The following WWOX variants were observed in gnomAD, a reference collection of about 807,000 sequenced individuals.
WWOX encodes the protein WW domain-containing oxidoreductase.
A neutral mutation model predicts 46.2 loss-of-function variants in WWOX; 69 were observed. That is an observed-to-expected ratio of 1.49 (90% CI 1.23 to 1.82). The LOEUF is 1.82. Among genes scored for constraint, WWOX ranks in the 40% most tolerant of loss-of-function variants. The probability of loss-of-function intolerance (pLI) is 0.00; values close to 1 mark genes in which losing one functional copy is unlikely to be tolerated. For missense variants in WWOX, 919 were observed against 542.6 expected (o/e 1.69, Z -6.89); for synonymous variants, 359 against 202.6 (o/e 1.77, Z -6.56).
intron 8 of WWOX, among the ~76,000 whole-genome samples, chr16:78,815,083 G>A (rs887580956): frequency 5.3e-5 from 8 of 152,176 alleles, no homozygotes; most frequent in African/African-American, 9.7e-5. Flanking sequence ...CCAACACTTC[G>A]GGAGGCCGAG....
intron 8 of WWOX, among the ~76,000 whole-genome samples, chr16:78,754,302 G>C (rs541773306): frequency 6.6e-6 from 1 of 152,094 alleles, no homozygotes; most frequent in Non-Finnish European, 1.5e-5. Flanking sequence ...GTTTCAGGAA[G>C]AAGGCATTCA....
intron 8 of WWOX, among the ~76,000 whole-genome samples, chr16:78,934,524 A>G (rs888198514): frequency 2.0e-5 from 3 of 150,276 alleles, no homozygotes; most frequent in South Asian, 2.1e-4. Context: ...AAAAAAAAAA[A>G]AAAAAAAGAA....
At chr16:78,400,436 T>G (rs1298996909) in intron 6 of WWOX, among the ~76,000 whole-genome samples, 1 of 152,198 alleles carries the variant, frequency 6.6e-6, no homozygotes, top group African/African-American at 2.4e-5. Context: ...AATCGAACAC[T>G]GCAGTCTGGC....
At chr16:78,332,451 A>G (rs2080781687) in intron 5 of WWOX, among the ~76,000 whole-genome samples, 1 of 152,206 alleles carries the variant, frequency 6.6e-6, no homozygotes, top group Non-Finnish European at 1.5e-5. Flanking sequence ...GGCTGCATGA[A>G]TTCCTGCACT....
At chr16:78,302,257 G>A (rs1011332212) in intron 5 of WWOX, among the ~76,000 whole-genome samples, 3 of 152,110 alleles carry the variant, frequency 2.0e-5, no homozygotes, top group South Asian at 2.1e-4. Context: ...CACTGTGCCC[G>A]GCCTTAGATG....
At chr16:78,278,583 C>G in intron 5 of WWOX, 1 of 1,601,836 alleles carries the variant, frequency 6.2e-7, no homozygotes, top group South Asian at 1.1e-5. Flanking sequence ...ACACAACTGT[C>G]TTTTGTTTGT....
chr16:78,500,492 G>C (rs1597172737), intron 8 of WWOX, among the ~76,000 whole-genome samples: 1 of 151,660 alleles, frequency 6.6e-6, no homozygotes, highest in Admixed American at 6.6e-5. Context: ...TGCCGCGTTG[G>C]GTTAACCATG....
chr16:78,692,028 T>C (rs150478275), intron 8 of WWOX, among the ~76,000 whole-genome samples: 9 of 152,198 alleles, frequency 5.9e-5, no homozygotes, highest in Non-Finnish European at 1.3e-4. Context: ...ATGTAAGAAG[T>C]GCCTTTTGCC....
chr16:79,158,893 G>C (rs2050432530), intron 8 of WWOX, among the ~76,000 whole-genome samples: 1 of 152,206 alleles, frequency 6.6e-6, no homozygotes, highest in African/African-American at 2.4e-5. Flanking sequence ...CATTTTCACT[G>C]CTGTAGTCCC....
At chr16:78,473,440 C>A (rs995938987) in intron 8 of WWOX, among the ~76,000 whole-genome samples, 1 of 152,096 alleles carries the variant, frequency 6.6e-6, no homozygotes. Flanking sequence ...ATTGTTGATA[C>A]AGTATGACAA....
intron 8 of WWOX, among the ~76,000 whole-genome samples, chr16:78,606,217 C>G (rs887052881): frequency 3.9e-5 from 6 of 152,156 alleles, no homozygotes; most frequent in East Asian, 1.9e-4. Context: ...ACACATACTT[C>G]TTTTCAACAA....
At chr16:78,938,349 G>A (rs545564402) in intron 8 of WWOX, among the ~76,000 whole-genome samples, 79 of 152,304 alleles carry the variant, frequency 5.2e-4, no homozygotes, top group African/African-American at 1.8e-3. Context: ...GTTGGAACCC[G>A]TGTATACCAC....
intron 8 of WWOX, among the ~76,000 whole-genome samples, chr16:78,557,387 C>G (rs1405616901): frequency 6.6e-6 from 1 of 152,184 alleles, no homozygotes; most frequent in African/African-American, 2.4e-5. Context: ...TCTCTTAGCC[C>G]TCAATTGTCA....
At chr16:78,108,620 G>C (rs1313847381) in intron 2 of WWOX, 133 bp downstream of exon 2, 1 of 918,950 alleles carries the variant, frequency 1.1e-6, no homozygotes, top group African/African-American at 1.7e-5. Context: ...CCCACTCTGA[G>C]GAGCTTATGG....
rs2048300733 is a variant in WWOX, at chr16:78,704,939, A to G, written c.1056+272187A>G. Among the ~76,000 whole-genome samples the G allele has an allele frequency of 2.0e-5, 3 of 146,926 alleles. No homozygotes were observed. In the South Asian group the frequency reaches 6.4e-4, roughly 31 times the overall value. On this transcript the variant is annotated intron_variant, in intron 8 of 8. Transcript: ENST00000566780. ...CAACTTGTTTTTTTTTTTTTTAAAGAGGAGGAAGCCTTAAAAACCAGCGAC... is the reference window on the plus strand; with the variant it reads ...CAACTTGTTTTTTTTTTTTTTAAAGGGGAGGAAGCCTTAAAAACCAGCGAC...
intron 8 of WWOX, among the ~76,000 whole-genome samples, chr16:78,959,933 C>G (rs1054208740): frequency 6.6e-6 from 1 of 152,178 alleles, no homozygotes; most frequent in Non-Finnish European, 1.5e-5. Context: ...CTAAGTAATT[C>G]TCATTTGCAA....
At chr16:78,101,400 G>T (rs922881376) in intron 1 of WWOX, among the ~76,000 whole-genome samples, 2 of 134,138 alleles carry the variant, frequency 1.5e-5, no homozygotes, top group African/African-American at 5.5e-5. Flanking sequence ...AAACTGGAGT[G>T]CCGTGGTGCG....
At chr16:78,850,072 TA>T (rs61690680) in intron 8 of WWOX, among the ~76,000 whole-genome samples, 1,729 of 144,890 alleles carry the variant, frequency 0.012, 36 homozygotes, top group African/African-American at 0.039. Flanking sequence ...AATTCCTTCT[TA>T]AAAAAAAAAA....
chr16:78,990,364 C>T (rs112837466), intron 8 of WWOX, among the ~76,000 whole-genome samples: 25 of 152,082 alleles, frequency 1.6e-4, no homozygotes, highest in Admixed American at 3.3e-4. Flanking sequence ...GGGCCCTGTC[C>T]GCAGCCTGAG....
Sources: gnomAD v4.1 joint callset for allele counts (sites outside exome capture counted in the v4.1 genomes callset) on GRCh38, gnomAD v4.1.1 for gene constraint, MANE v1.5 for transcripts, NCBI Gene and HGNC (gene_info 2026-07-23, HGNC 2026-07-21) for gene names.